ATXN3: variants seen among roughly 807,000 people sequenced by gnomAD.
The protein encoded by ATXN3 is ataxin 3, also known as ataxin-3.
In ATXN3, 28 loss-of-function variants were observed where a neutral mutation model predicts 58.2. The observed-to-expected ratio is 0.48, with a 90% confidence interval of 0.36 to 0.66. The LOEUF (loss-of-function observed/expected upper bound fraction) is 0.66. Ranked by LOEUF, ATXN3 falls within the 30% of genes least tolerant of loss-of-function variation. ATXN3 has a pLI of 0.00. For missense variants in ATXN3, 321 were observed against 422.1 expected (o/e 0.76, Z 2.10); for synonymous variants, 113 against 138.5 (o/e 0.82, Z 1.29).
rs1449636560 is a variant in ATXN3 at position 92,062,273 on chromosome 14, A to C, written c.*2047T>G. 6.6e-6 allele frequency: 1 copy of C among 152,098 alleles called. No individual in the cohort carries two copies. Among genetic ancestry groups the C allele is most frequent in the Non-Finnish European group, 1.5e-5 (1 of 68,024 alleles). The allele number at this position is 152,098 out of a possible 1,614,324, so 9.4% of individuals were successfully genotyped here. ...CTCCGTCTCAAAAAAAAACAAAAACAAAAACAAAAACTCTCTAGGAACTAA... is the reference window on the plus strand; with the variant it reads ...CTCCGTCTCAAAAAAAAACAAAAACCAAAACAAAAACTCTCTAGGAACTAA... On this transcript the variant is annotated 3_prime_UTR_variant, in exon 11 of 11. Coordinates refer to ENST00000644486, the MANE Select transcript of ATXN3 (RefSeq NM_004993.6).
intron 6 of ATXN3, among the ~76,000 whole-genome samples, chr14:92,085,810 G>C (rs534592736): frequency 1.3e-4 from 20 of 152,236 alleles, no homozygotes; most frequent in Middle Eastern, 6.8e-3. Context: ...TAAAAGTTTG[G>C]TAATTATTGA....
intron 7 of ATXN3, 131 bp from the exon 8 acceptor site, chr14:92,082,597 A>G: frequency 1.2e-6 from 1 of 857,046 alleles, no homozygotes; most frequent in Non-Finnish European, 1.7e-6. Context: ...AGCTCTAGTA[A>G]TATAATGATT....
intron 2 of ATXN3, among the ~76,000 whole-genome samples, chr14:92,047,039 G>A (rs1210369791): frequency 6.6e-6 from 1 of 152,162 alleles, no homozygotes; most frequent in Non-Finnish European, 1.5e-5. Flanking sequence ...TATATCATGA[G>A]AAAGAGCTTG....
At chr14:92,045,342 G>A (rs1039892435) in intron 2 of ATXN3, among the ~76,000 whole-genome samples, 6 of 152,198 alleles carry the variant, frequency 3.9e-5, no homozygotes, top group Middle Eastern at 3.4e-3. Context: ...GTCCGTTATC[G>A]GACTGTATAA....
rs1282316169 is a variant in ATXN3, at chr14:92,071,004, G to C, written c.922C>G (p.Leu308Val). The change falls in exon 10 of 11, where the codon CTA (leucine) becomes GTA (valine). Residue 308 changes from leucine (L) to valine (V), a missense_variant. Physicochemically the swap from Leu to Val is conservative, Grantham distance 32. Transcript: ENST00000644486. ...QQQQQQQQGD[L>V]SGQSSHPCER... is the part of the protein sequence containing the mutation. ...CATGGATGTGAACTCTGTCCTGATA[G>C]GTCCCCCTGCTGCTGCTGCTGCTGC... 1.9e-6 allele frequency: 3 copies of C among 1,613,688 alleles called. No individual in the cohort carries two copies. The South Asian group carries it at 3.3e-5, about 18-fold the overall frequency.
intron 1 of ATXN3, among the ~76,000 whole-genome samples, chr14:92,099,758 T>C (rs2066302093): frequency 6.6e-6 from 1 of 152,038 alleles, no homozygotes; most frequent in South Asian, 2.1e-4. Flanking sequence ...GTCCAGCTTC[T>C]TGGGAGGCTG....
exon 1 of ATXN3, chr14:92,049,664 TG>T: frequency 5.5e-6 from 1 of 181,436 alleles, no homozygotes; most frequent in South Asian, 1.4e-4. Flanking sequence ...AGGTCGTAGG[TG>T]GATCTCCTCA....
chr14:92,098,465 T>C (rs1282619735), intron 1 of ATXN3, among the ~76,000 whole-genome samples: 4 of 152,130 alleles, frequency 2.6e-5, no homozygotes, highest in African/African-American at 9.7e-5. Flanking sequence ...TGTGTACCTG[T>C]AGTCCTAGCT....
intron 6 of ATXN3, among the ~76,000 whole-genome samples, chr14:92,086,970 A>G (rs1280865922): frequency 3.9e-5 from 6 of 152,158 alleles, no homozygotes; most frequent in East Asian, 1.9e-4. Context: ...ATAGGCTCAA[A>G]GCACAGGTGA....
chr14:92,096,087 A>T lies in ATXN3; in HGVS notation c.234+6T>A. The T allele has an allele frequency of 6.3e-7, 1 of 1,581,340 alleles. No individual in the cohort carries two copies. The highest frequency in any genetic ancestry group is 8.7e-7 in the Non-Finnish European group (1 of 1,151,656). On this transcript the variant is annotated splice_donor_region_variant and intron_variant, in intron 3 of 10. Transcript: ENST00000644486. Reference sequence around the variant, plus strand: ...CAACACATAGTACATGCTTGTGACTACTTACCTGAATAGAGAAAAAACCAC... The same window carrying T: ...CAACACATAGTACATGCTTGTGACTTCTTACCTGAATAGAGAAAAAACCAC...
At chr14:92,086,539 G>A (rs1375133455) in intron 6 of ATXN3, among the ~76,000 whole-genome samples, 1 of 138,416 alleles carries the variant, frequency 7.2e-6, no homozygotes, top group Non-Finnish European at 1.5e-5. Flanking sequence ...CACTCCAGCC[G>A]GAGCAACAAG....
At chr14:92,102,754 G>T (rs1030251968) in intron 1 of ATXN3, among the ~76,000 whole-genome samples, 4 of 152,186 alleles carry the variant, frequency 2.6e-5, no homozygotes, top group African/African-American at 9.7e-5. Context: ...CTACAGAGGA[G>T]GAAACTAGAG....
At chr14:92,096,612 A>G in intron 2 of ATXN3, 62 bp downstream of exon 2, 1 of 1,507,566 alleles carries the variant, frequency 6.6e-7, no homozygotes, top group East Asian at 2.3e-5. Context: ...CAACAGGGCG[A>G]GACTCCGTCT....
rs143908400 is a variant in ATXN3, at chr14:92,071,534, T to C, written c.873-481A>G. On this transcript the variant is annotated intron_variant, in intron 9 of 10. Transcript: ENST00000644486. Reference sequence around the variant, plus strand: ...ATCACTTGAACCGGGGAGGTAGAGGTTGCAGTGAGCCAAGATCGCGCCACT... The same window carrying C: ...ATCACTTGAACCGGGGAGGTAGAGGCTGCAGTGAGCCAAGATCGCGCCACT... 1,805 of 329,310 alleles carry C rather than the reference T, an allele frequency of 5.5e-3. 16 individuals are homozygous for C. The highest frequency in any genetic ancestry group is 0.036 in the African/African-American group (1,648 of 46,234). 20.4% of individuals were successfully genotyped at this position (329,310 alleles called of 1,614,324 possible).
chr14:92,060,305 GGGCAGGCTGGAATGCAGTGGTGAGCCCTT>G lies in ATXN3; in HGVS notation c.*3986_*4014del. On this transcript the variant is annotated 3_prime_UTR_variant, in exon 11 of 11. Transcript: ENST00000644486. The stretch of plus-strand genomic sequence containing the variant: ...TTCAGAAACAGTGTCTCACTCTGTT[GGGCAGGCTGGAATGCAGTGGTGAGCCCTT>G]GGCACTCTGCAACCTCTGCCTCCTA... 1 of 140,136 alleles carries G rather than the reference GGGCAGGCTGGAATGCAGTGGTGAGCCCTT, an allele frequency of 7.1e-6. No homozygotes were observed. Among genetic ancestry groups the G allele is most frequent in the Non-Finnish European group, 1.5e-5 (1 of 65,902 alleles). 8.7% of individuals were successfully genotyped at this position (140,136 alleles called of 1,614,324 possible).
chr14:92,083,107 C>A lies in ATXN3; in HGVS notation c.608+19G>T. 6.2e-7 allele frequency: 1 copy of A among 1,605,174 alleles called. No individual in the cohort carries two copies. The highest frequency in any genetic ancestry group is 8.5e-7 in the Non-Finnish European group (1 of 1,177,406). The stretch of plus-strand genomic sequence containing the variant: ...ATGAAATACTACCATATATTCCATA[C>A]TGCAGGCCTCATTTTTACCTTTGCT... On this transcript the variant is annotated intron_variant, in intron 7 of 10. Coordinates refer to ENST00000644486, the MANE Select transcript of ATXN3 (RefSeq NM_004993.6).
chr14:92,065,089 T>G (rs56332270), intron 10 of ATXN3, among the ~76,000 whole-genome samples: 1 of 152,318 alleles, frequency 6.6e-6, no homozygotes, highest in East Asian at 1.9e-4. Flanking sequence ...ATCTCCCTGC[T>G]ATCGATTTAT....
chr14:92,106,243 G>A (rs908229545), intron 1 of ATXN3, among the ~76,000 whole-genome samples: 2 of 152,102 alleles, frequency 1.3e-5, no homozygotes, highest in Non-Finnish European at 2.9e-5. Flanking sequence ...GAGAAAGGCA[G>A]AAGCAAACCC....
chr14:92,076,939 C>CAAA lies in ATXN3; in HGVS notation c.872+4023_872+4025dup, dbSNP rs1157708694. 6.1e-3 allele frequency among the ~76,000 whole-genome samples: 364 copies of CAAA among 59,794 alleles called. 4 individuals carry two copies. The highest frequency in any genetic ancestry group is 0.022 in the African/African-American group (345 of 15,928). The allele number at this position is 59,794 out of a possible 152,430, so 39.2% of individuals were successfully genotyped here. A position where few individuals can be genotyped will look rare whatever the true frequency, so the allele number is the denominator to read the frequency against. On this transcript the variant is annotated intron_variant, in intron 9 of 10. Coordinates refer to ENST00000644486, the MANE Select transcript of ATXN3 (RefSeq NM_004993.6). ...TGGGTGACAGAGTGAGATTTCGTCT[C>CAAA]AAAAAAAAAAAAAAAAAAAAGTCTG...
Sources: gnomAD v4.1 joint callset for allele counts (sites outside exome capture counted in the v4.1 genomes callset) on GRCh38, gnomAD v4.1.1 for gene constraint, MANE v1.5 for transcripts, NCBI Gene and HGNC (gene_info 2026-07-23, HGNC 2026-07-21) for gene names.